Variants in FBXL17 observed in about 807,000 individuals in gnomAD.
FBXL17 encodes F-box/LRR-repeat protein 17.
FBXL17 carries 22 observed loss-of-function variants against 66.2 expected under a neutral mutation model. The observed-to-expected ratio is 0.33, with a 90% CI of 0.24 to 0.47. The LOEUF (loss-of-function observed/expected upper bound fraction) is 0.47, where lower values mean the gene tolerates loss of function less well. Among genes scored for constraint, FBXL17 ranks in the 20% least tolerant of loss-of-function variants. The pLI is 1.00. For synonymous variants in FBXL17, 474 were observed against 400.5 expected (o/e 1.18, Z -2.19); for missense variants, 878 against 948.2 (o/e 0.93, Z 0.97).
chr5:108,340,758 C>T (rs1746824881), intron 4 of FBXL17, among the ~76,000 whole-genome samples: 1 of 152,148 alleles, frequency 6.6e-6, no homozygotes, highest in Admixed American at 6.5e-5. Context: ...TTTTTTAAAG[C>T]ATGCACAATG....
At chr5:107,951,883 A>G (rs1751510729) in intron 7 of FBXL17, among the ~76,000 whole-genome samples, 1 of 152,240 alleles carries the variant, frequency 6.6e-6, no homozygotes, top group South Asian at 2.1e-4. Context: ...AGATGGGTGC[A>G]AACAACCTTT....
At chr5:107,984,701 C>T (rs188810081) in intron 7 of FBXL17, among the ~76,000 whole-genome samples, 9 of 152,208 alleles carry the variant, frequency 5.9e-5, no homozygotes, top group Admixed American at 5.2e-4. Flanking sequence ...TTTGCACTGG[C>T]ATTATATGAC....
At position 108,380,793 on chromosome 5, in the gene FBXL17, C is replaced by T; in HGVS notation, c.899G>A (p.Cys300Tyr). 8.0e-7 allele frequency: 1 copy of T among 1,247,990 alleles called. No individual in the cohort carries two copies. The highest frequency in any genetic ancestry group is 3.2e-5 in the East Asian group (1 of 31,662). The allele number at this position is 1,247,990 out of a possible 1,614,324, so 77.3% of individuals were successfully genotyped here. A position where few individuals can be genotyped will look rare whatever the true frequency, so the allele number is the denominator to read the frequency against. Residue 300 changes from cysteine (C) to tyrosine (Y), a missense_variant, in exon 1 of 9, where the codon TGT becomes TAT. By Grantham distance (194) the Cys-to-Tyr change is radical (BLOSUM62 -2). This residue lies in a region of FBXL17 where 605 missense variants were observed against 509.5 expected (regional missense o/e 1.19). Transcript: ENST00000542267. ...GCAGGGGTTTTCGGGGGACTCCCGA[C>T]AGTCCGCGTCGCCACATTCATGCTG... is the stretch of plus-strand genomic sequence containing the variant. ...QQQHECGDADCRESPENPCDC... is the reference protein window; with the variant it reads ...QQQHECGDADYRESPENPCDC...
At chr5:107,903,600 C>G (rs1749645329) in intron 7 of FBXL17, among the ~76,000 whole-genome samples, 1 of 152,138 alleles carries the variant, frequency 6.6e-6, no homozygotes, top group Admixed American at 6.6e-5. Flanking sequence ...ACATTGAGGT[C>G]TGCCTGGTCC....
At chr5:107,999,920 A>G (rs778763382) in intron 7 of FBXL17, among the ~76,000 whole-genome samples, 1 of 152,238 alleles carries the variant, frequency 6.6e-6, no homozygotes, top group Non-Finnish European at 1.5e-5. Flanking sequence ...ACACCAATTA[A>G]GAACAAGTAG....
In FBXL17 at chr5:108,155,469, C is replaced by T. The variant is rs187196215; in HGVS notation, c.1745+30648G>A. 9.2e-5 allele frequency among the ~76,000 whole-genome samples: 14 copies of T among 152,094 alleles called. No individual in the cohort carries two copies. The East Asian group carries it at 2.5e-3, about 27-fold the overall frequency. ...GGTGGAGGTTGTAGTGAGACGAGAT[C>T]GCACCACTGCACTCCAGCCTGGGTG... On this transcript the variant is annotated intron_variant, in intron 6 of 8. Transcript: ENST00000542267.
At chr5:108,043,709 T>C (rs1444857435) in intron 6 of FBXL17, among the ~76,000 whole-genome samples, 1 of 152,202 alleles carries the variant, frequency 6.6e-6, no homozygotes. Flanking sequence ...CTTTTGACTT[T>C]CCATGTAAGT....
At chr5:108,119,065 T>G (rs775101969) in intron 6 of FBXL17, among the ~76,000 whole-genome samples, 1 of 152,180 alleles carries the variant, frequency 6.6e-6, no homozygotes, top group African/African-American at 2.4e-5. Context: ...ATTATTTGCT[T>G]TACATAGCTG....
intron 4 of FBXL17, among the ~76,000 whole-genome samples, chr5:108,307,692 A>T (rs73214592): frequency 0.016 from 2,479 of 152,202 alleles, 65 homozygotes; most frequent in African/African-American, 0.054. Flanking sequence ...TCTTTGCACA[A>T]AGGTACTTTG....
chr5:108,380,609 C>T, intron 1 of FBXL17, 90 bp downstream of exon 1: 2 of 858,120 alleles, frequency 2.3e-6, no homozygotes, highest in Non-Finnish European at 1.6e-6. Flanking sequence ...CCCCCTCCTC[C>T]GCGCTTAGGG....
chr5:108,371,087 G>A (rs1381018992), intron 1 of FBXL17, among the ~76,000 whole-genome samples: 2 of 152,142 alleles, frequency 1.3e-5, no homozygotes, highest in Non-Finnish European at 2.9e-5. Context: ...CAAAGGACCA[G>A]GAAAATGGGC....
intron 6 of FBXL17, among the ~76,000 whole-genome samples, chr5:108,087,363 A>C (rs1247962037): frequency 6.6e-6 from 1 of 152,192 alleles, no homozygotes; most frequent in Non-Finnish European, 1.5e-5. Flanking sequence ...GTGGGGCAGC[A>C]GCCAGCCTAT....
intron 6 of FBXL17, among the ~76,000 whole-genome samples, chr5:108,022,325 C>T (rs566149464): frequency 2.1e-4 from 32 of 151,822 alleles, no homozygotes; most frequent in South Asian, 4.2e-4. Context: ...CCTAATTCCA[C>T]GTCATTTGGT....
intron 6 of FBXL17, among the ~76,000 whole-genome samples, chr5:108,105,100 C>G (rs971885759): frequency 7.2e-5 from 11 of 152,122 alleles, no homozygotes; most frequent in African/African-American, 2.2e-4. Context: ...CTCGGCCTCC[C>G]GAAGTGCTGG....
intron 4 of FBXL17, among the ~76,000 whole-genome samples, chr5:108,305,301 A>C (rs1489846513): frequency 2.0e-5 from 3 of 151,988 alleles, no homozygotes; most frequent in African/African-American, 7.2e-5. Context: ...TGGGGGGATC[A>C]ACACACACTG....
intron 4 of FBXL17, among the ~76,000 whole-genome samples, chr5:108,262,163 G>A (rs531893242): frequency 2.0e-5 from 3 of 149,612 alleles, no homozygotes; most frequent in African/African-American, 4.9e-5. Flanking sequence ...TGCAAGCTCC[G>A]CCTCCCGGGT....
At chr5:108,258,816 A>G (rs1476558722) in intron 4 of FBXL17, among the ~76,000 whole-genome samples, 1 of 151,286 alleles carries the variant, frequency 6.6e-6, no homozygotes, top group Non-Finnish European at 1.5e-5. Context: ...ACAGAAGAGT[A>G]TACCCAGGAT....
rs149005390 is a variant in FBXL17 at position 108,344,743 on chromosome 5, A to C, written c.1506+3656T>G. Among the ~76,000 whole-genome samples the C allele has an allele frequency of 2.6e-3, 399 of 152,356 alleles. 4 individuals are homozygous for C. The highest frequency in any genetic ancestry group is 9.2e-3 in the African/African-American group (381 of 41,586). ...AGAATCTGGTACAGGGAAATTAAAG[A>C]AGCACAGGAAATATACTTAACTGAG... On this transcript the variant is annotated intron_variant, in intron 4 of 8. Transcript: ENST00000542267.
chr5:108,158,906 T>C (rs1426835067), intron 6 of FBXL17, among the ~76,000 whole-genome samples: 2 of 152,186 alleles, frequency 1.3e-5, no homozygotes, highest in African/African-American at 4.8e-5. Context: ...TTTTTGGTTT[T>C]ACATTTTCTC....
Sources: allele counts gnomAD v4.1 joint callset (sites outside exome capture counted in the v4.1 genomes callset), GRCh38; gene constraint gnomAD v4.1.1; regional missense constraint gnomAD v4.1.1; transcripts MANE v1.5; gene names NCBI Gene and HGNC (gene_info 2026-07-23, HGNC 2026-07-21).